SND1: variants seen among roughly 807,000 people sequenced by gnomAD.
SND1 encodes the protein staphylococcal nuclease domain-containing protein 1.
SND1 carries 38 observed loss-of-function variants against 121.7 expected under a neutral mutation model. The observed-to-expected ratio is 0.31, with a 90% confidence interval of 0.24 to 0.41. The LOEUF (loss-of-function observed/expected upper bound fraction) is 0.41. Ranked by LOEUF, SND1 falls within the 10% of genes least tolerant of loss-of-function variation. SND1 has a pLI of 1.00. For missense variants in SND1, 868 were observed against 1,184.6 expected, an observed-to-expected ratio of 0.73 and a Z score of 3.92; for synonymous variants, 401 against 447.4, an observed-to-expected ratio of 0.90 and a Z score of 1.31.
chr7:127,808,204 C>G (rs771269643), intron 11 of SND1, among the ~76,000 whole-genome samples: 36 of 148,736 alleles, frequency 2.4e-4, no homozygotes, highest in Admixed American at 2.0e-4. Flanking sequence ...ACTCTGTTGC[C>G]TAGTCTGGAG....
rs1420012736 is a variant in SND1 at position 127,704,833 on chromosome 7, T to G, written c.841-6T>G. 1 of 1,612,968 alleles carries G rather than the reference T, an allele frequency of 6.2e-7. No individual in the cohort carries two copies. The highest frequency in any genetic ancestry group is 2.2e-5 in the East Asian group (1 of 44,844). On this transcript the variant is annotated splice_region_variant and splice_polypyrimidine_tract_variant and intron_variant, in intron 7 of 23. Coordinates refer to ENST00000354725, the MANE Select transcript of SND1 (RefSeq NM_014390.4). ...GTGCCTGCCTCTCATGTACCTTGTT[T>G]TTCAGAATGGCAACATCACAGAGCT... is the stretch of plus-strand genomic sequence containing the variant.
intron 1 of SND1, among the ~76,000 whole-genome samples, chr7:127,655,676 A>G (rs1310745792): frequency 6.6e-6 from 1 of 152,174 alleles, no homozygotes; most frequent in Non-Finnish European, 1.5e-5. Flanking sequence ...TTTGCTTGAT[A>G]CTCTTTAACT....
intron 10 of SND1, among the ~76,000 whole-genome samples, chr7:127,748,290 A>G (rs1475003262): frequency 6.6e-6 from 1 of 152,056 alleles, no homozygotes; most frequent in Non-Finnish European, 1.5e-5. Flanking sequence ...GCTTACCCAG[A>G]CTGGGTCTTT....
At chr7:127,687,784 A>G (rs1795841111) in intron 2 of SND1, among the ~76,000 whole-genome samples, 1 of 152,150 alleles carries the variant, frequency 6.6e-6, no homozygotes, top group African/African-American at 2.4e-5. Flanking sequence ...CCCAGGCTCA[A>G]GTGATCTTCC....
intron 10 of SND1, among the ~76,000 whole-genome samples, chr7:127,725,913 C>A (rs1313153065): frequency 6.6e-6 from 1 of 152,292 alleles, no homozygotes; most frequent in East Asian, 1.9e-4. Flanking sequence ...ATGGGACTTT[C>A]CCTTCAAGGA....
intron 10 of SND1, among the ~76,000 whole-genome samples, chr7:127,762,927 C>G (rs1797332101): frequency 6.6e-6 from 1 of 152,166 alleles, no homozygotes; most frequent in African/African-American, 2.4e-5. Context: ...GTAACTTCAT[C>G]AAATGTACAT....
intron 10 of SND1, among the ~76,000 whole-genome samples, chr7:127,802,617 C>T (rs545936605): frequency 6.6e-6 from 1 of 152,196 alleles, no homozygotes; most frequent in African/African-American, 2.4e-5. Context: ...ATATTCATGA[C>T]CTTTTAATGT....
chr7:127,837,315 T>C (rs1380990637), intron 11 of SND1, among the ~76,000 whole-genome samples: 2 of 152,206 alleles, frequency 1.3e-5, no homozygotes, highest in African/African-American at 4.8e-5. Flanking sequence ...TAGTAAAGAT[T>C]TAATACAAAA....
intron 9 of SND1, among the ~76,000 whole-genome samples, chr7:127,719,346 C>T (rs1014907355): frequency 6.6e-6 from 1 of 152,096 alleles, no homozygotes; most frequent in Non-Finnish European, 1.5e-5. Flanking sequence ...CTTTCAGTGA[C>T]TGAATCTGTA....
At chr7:127,826,969 G>T (rs1798654773) in intron 11 of SND1, among the ~76,000 whole-genome samples, 1 of 152,276 alleles carries the variant, frequency 6.6e-6, no homozygotes, top group East Asian at 1.9e-4. Flanking sequence ...AGGCCCTTGG[G>T]CTGGCCTTTC....
Position 128,089,685 on chromosome 7 carries a change from A to G in SND1, c.2615A>G (p.Gln872Arg). The G allele has an allele frequency of 6.2e-7, 1 of 1,614,104 alleles. No homozygotes were observed. The highest frequency in any genetic ancestry group is 1.1e-5 in the South Asian group (1 of 91,078). ...GAGGTGCGCAAGGAGAAACAGTTCC[A>G]GAAAGTGGTATGTGATGTGGAGAGG... is the stretch of plus-strand genomic sequence containing the variant. Reference protein sequence around the residue: ...MVEVRKEKQFQKVITEYLNAQ... With the variant: ...MVEVRKEKQFRKVITEYLNAQ... Residue 872 changes from glutamine (Q) to arginine (R), a missense_variant, in exon 22 of 24, where the codon CAG becomes CGG. Physicochemically the swap from Gln to Arg is conservative, Grantham distance 43. Coordinates refer to ENST00000354725, the MANE Select transcript of SND1 (RefSeq NM_014390.4).
intron 16 of SND1, among the ~76,000 whole-genome samples, chr7:128,061,126 C>T (rs148787617): frequency 6.6e-6 from 1 of 152,272 alleles, no homozygotes; most frequent in Admixed American, 6.5e-5. Context: ...GAGGGACTAC[C>T]CGCTGCATCC....
chr7:127,954,168 T>A (rs1298345454), intron 15 of SND1, among the ~76,000 whole-genome samples: 2 of 152,130 alleles, frequency 1.3e-5, no homozygotes, highest in Non-Finnish European at 1.5e-5. Context: ...CCTTCCCCCC[T>A]TACTCCAGCA....
chr7:127,764,610 AT>A (rs1797379268), intron 10 of SND1, among the ~76,000 whole-genome samples: 4 of 152,154 alleles, frequency 2.6e-5, no homozygotes, highest in African/African-American at 9.7e-5. Context: ...ATATCTTTTA[AT>A]GTTTGTGTAT....
chr7:128,024,910 G>C (rs1803439977), intron 16 of SND1, among the ~76,000 whole-genome samples: 2 of 152,160 alleles, frequency 1.3e-5, no homozygotes, highest in South Asian at 4.1e-4. Context: ...GAACCTCTGT[G>C]GTCCAGTAGG....
In SND1 at chr7:127,875,881, AT is replaced by A. The variant is rs369688586; in HGVS notation, c.1344-12020del. ...ATGTCCTTTTTATCACAGAAACACC[AT>A]GTTTCTACCTCCAGCCTGTGTGTGC... On this transcript the variant is annotated intron_variant, in intron 12 of 23. Coordinates refer to ENST00000354725, the MANE Select transcript of SND1 (RefSeq NM_014390.4). Among the ~76,000 whole-genome samples the A allele has an allele frequency of 9.1e-4, 139 of 152,218 alleles. 1 individual carries two copies. Among genetic ancestry groups the A allele is most frequent in the Middle Eastern group, 3.4e-3 (1 of 294 alleles).
At chr7:127,996,011 G>T (rs185538842) in intron 16 of SND1, among the ~76,000 whole-genome samples, 26 of 152,256 alleles carry the variant, frequency 1.7e-4, no homozygotes, top group Admixed American at 1.0e-3. Context: ...AACTCAGGCT[G>T]CTGCCTTGAC....
intron 16 of SND1, among the ~76,000 whole-genome samples, chr7:128,036,957 T>G (rs1419162756): frequency 1.3e-5 from 2 of 152,240 alleles, no homozygotes; most frequent in African/African-American, 4.8e-5. Flanking sequence ...TACTTGGTAC[T>G]GTGTTAAGTT....
At chr7:127,822,298 A>G (rs1798562123) in intron 11 of SND1, among the ~76,000 whole-genome samples, 1 of 152,236 alleles carries the variant, frequency 6.6e-6, no homozygotes, top group African/African-American at 2.4e-5. Context: ...CACCAAAAAT[A>G]GTGTCTTTGC....
Sources: allele counts gnomAD v4.1 joint callset (sites outside exome capture counted in the v4.1 genomes callset), GRCh38; gene constraint gnomAD v4.1.1; transcripts MANE v1.5; gene names NCBI Gene and HGNC (gene_info 2026-07-23, HGNC 2026-07-21).